Variants in GRIN2A observed in about 807,000 individuals in gnomAD.
GRIN2A encodes the protein glutamate receptor ionotropic, NMDA 2A.
A neutral mutation model predicts 113.4 loss-of-function variants in GRIN2A; 22 were observed. The observed-to-expected ratio is 0.19, with a 90% CI of 0.14 to 0.28. The LOEUF (loss-of-function observed/expected upper bound fraction) is 0.28, where lower values mean the gene tolerates loss of function less well. GRIN2A is among the 10% of genes least tolerant of loss of function. GRIN2A has a pLI of 1.00. For synonymous variants in GRIN2A, 827 were observed against 738.4 expected, an observed-to-expected ratio of 1.12 and a Z score of -1.94; for missense variants, 1,502 against 1,887.0, an observed-to-expected ratio of 0.80 and a Z score of 3.78.
At chr16:10,095,771 C>G (rs766661087) in intron 2 of GRIN2A, among the ~76,000 whole-genome samples, 1 of 152,066 alleles carries the variant, frequency 6.6e-6, no homozygotes, top group Non-Finnish European at 1.5e-5. Flanking sequence ...ACCTTAACCA[C>G]GGAGTCAAAA....
At chr16:10,086,578 G>A (rs1044347885) in intron 2 of GRIN2A, among the ~76,000 whole-genome samples, 3 of 139,726 alleles carry the variant, frequency 2.1e-5, no homozygotes, top group Admixed American at 7.8e-5. Flanking sequence ...AGGAGAAGCT[G>A]CACCATACCA....
chr16:9,818,130 G>A (rs1390707937), intron 10 of GRIN2A, among the ~76,000 whole-genome samples: 1 of 151,698 alleles, frequency 6.6e-6, no homozygotes, highest in Non-Finnish European at 1.5e-5. Flanking sequence ...GGAAACAGGA[G>A]ATGTGAAAAG....
intron 2 of GRIN2A, among the ~76,000 whole-genome samples, chr16:9,969,074 G>A (rs2045618116): frequency 6.6e-6 from 1 of 151,972 alleles, no homozygotes; most frequent in South Asian, 2.1e-4. Context: ...AATTCAGAGT[G>A]AATTTAACAC....
chr16:10,116,634 G>T (rs1246422435), intron 2 of GRIN2A, among the ~76,000 whole-genome samples: 1 of 152,116 alleles, frequency 6.6e-6, no homozygotes, highest in Admixed American at 6.5e-5. Context: ...TGAGGAAGTA[G>T]AAAAATAAGA....
At chr16:10,145,560 G>A (rs2049422555) in intron 2 of GRIN2A, among the ~76,000 whole-genome samples, 1 of 151,922 alleles carries the variant, frequency 6.6e-6, no homozygotes, top group Non-Finnish European at 1.5e-5. Context: ...GAGGGTACAT[G>A]AGTGTTCATT....
chr16:9,867,117 C>A (rs547886680), intron 4 of GRIN2A, among the ~76,000 whole-genome samples: 2 of 152,162 alleles, frequency 1.3e-5, no homozygotes, highest in Non-Finnish European at 2.9e-5. Flanking sequence ...CCTGCCCCCA[C>A]TTTGTCTTCC....
chr16:10,152,669 G>C (rs546737650), intron 2 of GRIN2A, among the ~76,000 whole-genome samples: 2 of 152,210 alleles, frequency 1.3e-5, no homozygotes, highest in South Asian at 2.1e-4. Context: ...TCACCTTCTT[G>C]ACAAGCAATA....
intron 2 of GRIN2A, among the ~76,000 whole-genome samples, chr16:10,168,438 TA>T (rs1567345912): frequency 6.6e-6 from 1 of 152,116 alleles, no homozygotes; most frequent in Non-Finnish European, 1.5e-5. Flanking sequence ...GATCTTTTTT[TA>T]AAAATCAAGG....
intron 2 of GRIN2A, chr16:9,970,769 T>A (rs1352145181): frequency 9.4e-6 from 9 of 960,760 alleles, no homozygotes; most frequent in Non-Finnish European, 1.1e-5. Flanking sequence ...GCTGGTAAAC[T>A]CTCAACAGGA....
intron 7 of GRIN2A, among the ~76,000 whole-genome samples, 170 bp from the exon 8 acceptor site, chr16:9,834,400 T>A (rs1440146661): frequency 1.3e-5 from 2 of 152,126 alleles, no homozygotes; most frequent in African/African-American, 4.8e-5. Context: ...ATTTTTTAGA[T>A]GTAGCTTCAC....
chr16:9,852,615 G>A (rs1018659862), intron 4 of GRIN2A, among the ~76,000 whole-genome samples: 1 of 152,270 alleles, frequency 6.6e-6, no homozygotes, highest in Non-Finnish European at 1.5e-5. Context: ...GAGAGAACTC[G>A]ATCAGGAGCT....
At chr16:9,941,174 G>C (rs184120461) in intron 2 of GRIN2A, among the ~76,000 whole-genome samples, 2 of 152,128 alleles carry the variant, frequency 1.3e-5, no homozygotes, top group African/African-American at 2.4e-5. Flanking sequence ...CTAATAAAAA[G>C]GGTCTATGAG....
intron 2 of GRIN2A, among the ~76,000 whole-genome samples, chr16:10,133,123 C>T (rs371775330): frequency 3.8e-4 from 58 of 152,278 alleles, no homozygotes; most frequent in African/African-American, 1.3e-3. Flanking sequence ...CAAGATGGAT[C>T]CATAACTTAA....
chr16:9,977,253 C>A (rs1416305460), intron 2 of GRIN2A, among the ~76,000 whole-genome samples: 2 of 146,254 alleles, frequency 1.4e-5, no homozygotes, highest in Non-Finnish European at 3.0e-5. Flanking sequence ...GACTGTGTCA[C>A]TGCACTCCAG....
chr16:9,980,500 G>C (rs2045869841), intron 2 of GRIN2A, among the ~76,000 whole-genome samples: 1 of 152,094 alleles, frequency 6.6e-6, no homozygotes, highest in Non-Finnish European at 1.5e-5. Flanking sequence ...TATACCCAAA[G>C]GATTATAAAT....
At chr16:10,152,845 A>G (rs2049611654) in intron 2 of GRIN2A, among the ~76,000 whole-genome samples, 1 of 152,234 alleles carries the variant, frequency 6.6e-6, no homozygotes, top group Non-Finnish European at 1.5e-5. Context: ...TGAAAAGGTT[A>G]CATACTGTAT....
At chr16:10,104,176 C>A (rs2048451047) in intron 2 of GRIN2A, among the ~76,000 whole-genome samples, 1 of 152,212 alleles carries the variant, frequency 6.6e-6, no homozygotes, top group Non-Finnish European at 1.5e-5. Context: ...TAACACAAAC[C>A]AGTTTGAAGA....
intron 2 of GRIN2A, among the ~76,000 whole-genome samples, chr16:10,059,087 C>G (rs1347859620): frequency 6.6e-6 from 1 of 152,118 alleles, no homozygotes; most frequent in Non-Finnish European, 1.5e-5. Flanking sequence ...ACTTGGGCAT[C>G]AGAAGAACAG....
intron 3 of GRIN2A, among the ~76,000 whole-genome samples, chr16:9,914,775 A>G (rs1244593221): frequency 6.6e-6 from 1 of 152,000 alleles, no homozygotes; most frequent in Non-Finnish European, 1.5e-5. Context: ...ACAAGCCACA[A>G]AGAGACTCAA....
Sources: gnomAD v4.1 joint callset for allele counts (sites outside exome capture counted in the v4.1 genomes callset) on GRCh38, gnomAD v4.1.1 for gene constraint, MANE v1.5 for transcripts, NCBI Gene and HGNC (gene_info 2026-07-23, HGNC 2026-07-21) for gene names.